KLHL6: variants seen among roughly 807,000 people sequenced by gnomAD.
The protein encoded by KLHL6 is kelch-like protein 6.
A neutral mutation model predicts 58.6 loss-of-function variants in KLHL6; 41 were observed. That is an observed-to-expected ratio of 0.70 (90% CI 0.55 to 0.91). KLHL6 has a LOEUF of 0.91. Ranked by LOEUF, KLHL6 falls within the 40% of genes least tolerant of loss-of-function variation. The pLI, the probability that KLHL6 is intolerant of heterozygous loss-of-function variation, is 0.00. For missense variants in KLHL6, 714 were observed against 805.6 expected (o/e 0.89, Z 1.38); for synonymous variants, 338 against 322.7 (o/e 1.05, Z -0.51).
intron 1 of KLHL6, among the ~76,000 whole-genome samples, chr3:183,540,692 C>A (rs75940089): frequency 0.039 from 5,969 of 152,206 alleles, 380 homozygotes; most frequent in African/African-American, 0.13. Flanking sequence ...GCACACGCCA[C>A]CACACCCGGC....
chr3:183,492,515 G>A lies in KLHL6; in HGVS notation c.1543C>T (p.Arg515Trp), dbSNP rs1490783101. ...EAKCINAVSF[R>W]DRIYVVGGAM... ...TCACCAACGACATAGATGCGGTCCCGGAAACTCACTGCATTGATGCATTTA... is the reference window on the plus strand; with the variant it reads ...TCACCAACGACATAGATGCGGTCCCAGAAACTCACTGCATTGATGCATTTA... Residue 515 changes from arginine to tryptophan, a missense_variant, in exon 6 of 7, where the codon CGG (arginine) becomes TGG (tryptophan). Physicochemically the swap from Arg to Trp is moderately radical, Grantham distance 101. This residue lies in a region of KLHL6 where 510 missense variants were observed against 629.7 expected (regional missense o/e 0.81). Transcript: ENST00000341319. This position sits in a 1 kb window ranked among gnomAD's most constrained non-coding sequence, Gnocchi z 5.9. 1.2e-5 allele frequency: 20 copies of A among 1,614,056 alleles called. No homozygotes were observed. The highest frequency in any genetic ancestry group is 6.7e-5 in the East Asian group (3 of 44,888).
At chr3:183,517,013 A>G (rs760491884) in intron 2 of KLHL6, among the ~76,000 whole-genome samples, 3 of 152,104 alleles carry the variant, frequency 2.0e-5, no homozygotes, top group Non-Finnish European at 4.4e-5. Context: ...GGTTCAAGTG[A>G]TTCTTGTGCC....
At chr3:183,534,950 A>ATATATT (rs1356557331) in intron 1 of KLHL6, among the ~76,000 whole-genome samples, 3 of 96,738 alleles carry the variant, frequency 3.1e-5, no homozygotes, top group African/African-American at 9.1e-5. Context: ...ATATATATAT[A>ATATATT]TTTTTTTTTT....
intron 1 of KLHL6, among the ~76,000 whole-genome samples, chr3:183,531,443 GTTTTTTTTTTTTTTT>G (rs59579259): frequency 1.1e-5 from 1 of 90,358 alleles, no homozygotes; most frequent in Admixed American, 1.5e-4. Flanking sequence ...TTTTGTCTGT[GTTTTTTTTTTTTTTT>G]TTTTTTTTTG....
intron 5 of KLHL6, chr3:183,493,413 C>T (rs1303092306): frequency 3.2e-5 from 5 of 153,954 alleles, no homozygotes; most frequent in Non-Finnish European, 7.2e-5. Flanking sequence ...GATGTGGTGA[C>T]CTGGCTACCT....
intron 1 of KLHL6, among the ~76,000 whole-genome samples, chr3:183,552,720 A>G (rs1024108510): frequency 8.0e-6 from 1 of 125,402 alleles, no homozygotes; most frequent in Non-Finnish European, 1.7e-5. Flanking sequence ...TCCGTCTCAA[A>G]AAAAAAAAAA....
intron 2 of KLHL6, among the ~76,000 whole-genome samples, chr3:183,527,320 T>G (rs1203564006): frequency 6.6e-6 from 1 of 152,096 alleles, no homozygotes; most frequent in Non-Finnish European, 1.5e-5. Context: ...AAATGATGAG[T>G]CAAGTGACTA....
chr3:183,511,689 C>T (rs997258566), intron 2 of KLHL6, among the ~76,000 whole-genome samples: 2 of 152,218 alleles, frequency 1.3e-5, no homozygotes, highest in African/African-American at 4.8e-5. Context: ...ACCGAGCATA[C>T]TGCCTGTAAA....
At position 183,490,970 on chromosome 3, in the gene KLHL6, CG is replaced by C. The variant is rs1207710790; in HGVS notation, c.*956del. 2 of 151,944 alleles carry C rather than the reference CG, an allele frequency of 1.3e-5. No individual in the cohort carries two copies. Among genetic ancestry groups the C allele is most frequent in the East Asian group, 1.9e-4 (1 of 5,180 alleles). 9.4% of individuals were successfully genotyped at this position (151,944 alleles called of 1,614,324 possible). A position where few individuals can be genotyped will look rare whatever the true frequency, so the allele number is the denominator to read the frequency against. ...CCTTGGTTTAAATATTGGTAAAGGG[CG>C]GGGACGAGGGAGGATGCAGAATAAG... On this transcript the variant is annotated 3_prime_UTR_variant, in exon 7 of 7. Coordinates refer to ENST00000341319, the MANE Select transcript of KLHL6 (RefSeq NM_130446.4).
chr3:183,490,651 A>C lies in KLHL6; in HGVS notation c.*1276T>G, dbSNP rs1033746146. 1 of 152,132 alleles carries C rather than the reference A, an allele frequency of 6.6e-6. No individual in the cohort carries two copies. Among genetic ancestry groups the C allele is most frequent in the African/African-American group, 2.4e-5 (1 of 41,420 alleles). The allele number at this position is 152,132 out of a possible 1,614,324, so 9.4% of individuals were successfully genotyped here. On this transcript the variant is annotated 3_prime_UTR_variant, in exon 7 of 7. Transcript: ENST00000341319. ...GAAACCCCGTCTCTACTAAAACTAC[A>C]AAAATTAGCCAGGCGCGGTGGCAGG...
chr3:183,552,925 A>C (rs2108702908), intron 1 of KLHL6, among the ~76,000 whole-genome samples: 1 of 152,106 alleles, frequency 6.6e-6, no homozygotes, highest in East Asian at 1.9e-4. Flanking sequence ...CACCGTCGGT[A>C]GGCTGGGGAT....
At chr3:183,543,665 G>A (rs1712625317) in intron 1 of KLHL6, among the ~76,000 whole-genome samples, 1 of 151,950 alleles carries the variant, frequency 6.6e-6, no homozygotes, top group Non-Finnish European at 1.5e-5. Context: ...ACACCAAAAG[G>A]CCCTTGATAC....
intron 1 of KLHL6, among the ~76,000 whole-genome samples, chr3:183,532,131 A>G (rs7639804): frequency 0.042 from 6,326 of 152,292 alleles, 432 homozygotes; most frequent in African/African-American, 0.14. Flanking sequence ...ATTTTTAGGA[A>G]GTAATTAAAG....
At chr3:183,510,210 T>C (rs953521698) in intron 2 of KLHL6, among the ~76,000 whole-genome samples, 1 of 151,196 alleles carries the variant, frequency 6.6e-6, no homozygotes, top group Non-Finnish European at 1.5e-5. Flanking sequence ...CCCTTCCCCG[T>C]CTACTGGACT....
At position 183,508,161 on chromosome 3, in the gene KLHL6, C is replaced by G. The variant is rs770936523; in HGVS notation, c.807G>C (p.Trp269Cys). 5 of 1,614,076 alleles carry G rather than the reference C, an allele frequency of 3.1e-6. No homozygotes were observed. Among genetic ancestry groups the G allele is most frequent in the Non-Finnish European group, 4.2e-6 (5 of 1,180,048 alleles). The stretch of plus-strand genomic sequence containing the variant: ...CTGCTTCCACCGTCTCCACAAAGTA[C>G]CACGGGTCCAGAAGCGGTAAGCGCA... Reference protein sequence around the residue: ...ENVRLPLLDPWYFVETVEADP... With the variant: ...ENVRLPLLDPCYFVETVEADP... The change falls in exon 3 of 7, where the codon TGG becomes TGC. Residue 269 changes from tryptophan to cysteine, a missense_variant. By Grantham distance (215) the Trp-to-Cys change is radical (BLOSUM62 -2). This residue lies in a region of KLHL6 where 510 missense variants were observed against 629.7 expected (regional missense o/e 0.81). Coordinates refer to ENST00000341319, the MANE Select transcript of KLHL6 (RefSeq NM_130446.4).
In KLHL6 at chr3:183,505,385, T is replaced by C. The variant is rs549001028; in HGVS notation, c.909+2674A>G. Among the ~76,000 whole-genome samples, 3 of 152,360 alleles carry C rather than the reference T, an allele frequency of 2.0e-5. No individual in the cohort carries two copies. In the East Asian group the frequency reaches 5.8e-4, roughly 29 times the overall value. ...GCGTGCTTAAATACATGGGATGCTG[T>C]TTAAGTAGTTTTTAGGGGGAAATTT... On this transcript the variant is annotated intron_variant, in intron 3 of 6. Coordinates refer to ENST00000341319, the MANE Select transcript of KLHL6 (RefSeq NM_130446.4).
In KLHL6 at chr3:183,492,008, G is replaced by T. The variant is rs1304693206; in HGVS notation, c.1785C>A (p.Gly595=). Residue 595 remains glycine, a synonymous_variant, in exon 7 of 7, where the codon GGC becomes GGA. Transcript: ENST00000341319. This position sits in a 1 kb window ranked among gnomAD's most constrained non-coding sequence, Gnocchi z 5.9. ...KLTEECVLPR[G]VSHHGSVTIR... is the part of the protein sequence containing the mutation. The stretch of plus-strand genomic sequence containing the variant: ...TGGTGACGCTGCCGTGGTGCGACAC[G>T]CCCCGGGGCAGGACGCACTCCTCTG... 1 of 1,602,370 alleles carries T rather than the reference G, an allele frequency of 6.2e-7. No individual in the cohort carries two copies. Among genetic ancestry groups the T allele is most frequent in the Admixed American group, 1.7e-5 (1 of 58,874 alleles).
At chr3:183,525,101 T>C (rs1217572810) in intron 2 of KLHL6, among the ~76,000 whole-genome samples, 2 of 151,740 alleles carry the variant, frequency 1.3e-5, no homozygotes, top group Non-Finnish European at 2.9e-5. Context: ...CCGTCTCTAC[T>C]AAAAATACAA....
chr3:183,491,821 A>C lies in KLHL6; in HGVS notation c.*106T>G. Reference sequence around the variant, plus strand: ...GTGAGTCAAGGGGATCCCCTGATGTATGGCCTCAAACTCGAGCCTGCTGCC... The same window carrying C: ...GTGAGTCAAGGGGATCCCCTGATGTCTGGCCTCAAACTCGAGCCTGCTGCC... On this transcript the variant is annotated 3_prime_UTR_variant, in exon 7 of 7. Coordinates refer to ENST00000341319, the MANE Select transcript of KLHL6 (RefSeq NM_130446.4). 9.8e-7 allele frequency: 1 copy of C among 1,017,002 alleles called. No homozygotes were observed. Among genetic ancestry groups the C allele is most frequent in the Non-Finnish European group, 1.4e-6 (1 of 734,448 alleles). 63.0% of individuals were successfully genotyped at this position (1,017,002 alleles called of 1,614,324 possible).
Sources: gnomAD v4.1 joint callset for allele counts (sites outside exome capture counted in the v4.1 genomes callset) on GRCh38, gnomAD v4.1.1 for gene constraint, gnomAD v4.1.1 regional missense constraint, Gnocchi (gnomAD v3.1) non-coding constraint, MANE v1.5 for transcripts, NCBI Gene and HGNC (gene_info 2026-07-23, HGNC 2026-07-21) for gene names.